Variants in ANGPT1 observed in about 807,000 individuals in gnomAD.
ANGPT1 encodes the protein angiopoietin-1.
In ANGPT1, 17 loss-of-function variants were observed where a neutral mutation model predicts 62.2. That is an observed-to-expected ratio of 0.27 (90% CI 0.19 to 0.41). ANGPT1 has a LOEUF of 0.41. ANGPT1 is among the 10% of genes least tolerant of loss of function. The pLI is 1.00. For missense variants in ANGPT1, 478 were observed against 594.9 expected, an observed-to-expected ratio of 0.80 and a Z score of 2.04; for synonymous variants, 199 against 198.9, an observed-to-expected ratio of 1.00 and a Z score of 0.00.
At chr8:107,401,962 TAGTC>T (rs1331438155) in intron 1 of ANGPT1, among the ~76,000 whole-genome samples, 2 of 152,134 alleles carry the variant, frequency 1.3e-5, no homozygotes, top group African/African-American at 4.8e-5. Context: ...GATAAAATAA[TAGTC>T]AGACAATGGG....
At position 107,497,838 on chromosome 8, in the gene ANGPT1, G is replaced by C. The variant is rs1052154835; in HGVS notation, c.-280C>G. On this transcript the variant is annotated 5_prime_UTR_variant, in exon 1 of 9. Coordinates refer to ENST00000517746, the MANE Select transcript of ANGPT1 (RefSeq NM_001146.5). ...TTTATTGTTTCCTCTCTGTGTGACC[G>C]TTCAGCATGGAGCCTGCCTGAGTCA... 2.0e-5 allele frequency: 11 copies of C among 540,638 alleles called. No homozygotes were observed. In the African/African-American group the frequency reaches 2.1e-4, roughly 10 times the overall value. 33.5% of individuals were successfully genotyped at this position (540,638 alleles called of 1,614,324 possible). A position where few individuals can be genotyped will look rare whatever the true frequency, so the allele number is the denominator to read the frequency against.
chr8:107,466,623 T>C (rs1366491618), intron 1 of ANGPT1, among the ~76,000 whole-genome samples: 1 of 152,064 alleles, frequency 6.6e-6, no homozygotes, highest in African/African-American at 2.4e-5. Context: ...TTAAAAATTA[T>C]AATTGAGGCT....
At chr8:107,355,977 C>T (rs1586251257) in intron 1 of ANGPT1, among the ~76,000 whole-genome samples, 1 of 152,264 alleles carries the variant, frequency 6.6e-6, no homozygotes, top group East Asian at 1.9e-4. Flanking sequence ...GGTCTCAATA[C>T]CATTTTGATA....
chr8:107,310,178 A>G (rs1215826747), intron 4 of ANGPT1, among the ~76,000 whole-genome samples: 1 of 152,146 alleles, frequency 6.6e-6, no homozygotes, highest in Non-Finnish European at 1.5e-5. Context: ...TTAATTGAAC[A>G]CTTACTATGT....
At chr8:107,320,097 C>T (rs143309660) in intron 4 of ANGPT1, among the ~76,000 whole-genome samples, 2 of 152,192 alleles carry the variant, frequency 1.3e-5, no homozygotes, top group East Asian at 3.9e-4. Flanking sequence ...ATAGAACAGA[C>T]ACAGTTACTT....
At chr8:107,280,555 T>C (rs1813980298) in intron 7 of ANGPT1, among the ~76,000 whole-genome samples, 1 of 152,212 alleles carries the variant, frequency 6.6e-6, no homozygotes, top group Admixed American at 6.5e-5. Flanking sequence ...ATTTAAGATG[T>C]ATCCATGTGA....
At chr8:107,409,072 T>A (rs1817207102) in intron 1 of ANGPT1, among the ~76,000 whole-genome samples, 1 of 152,212 alleles carries the variant, frequency 6.6e-6, no homozygotes, top group Non-Finnish European at 1.5e-5. Context: ...AGCTTATTTC[T>A]ATTATTATGC....
chr8:107,352,557 G>T (rs1815955944), intron 1 of ANGPT1, among the ~76,000 whole-genome samples: 1 of 152,068 alleles, frequency 6.6e-6, no homozygotes, highest in Admixed American at 6.6e-5. Flanking sequence ...ATCTGTGTGA[G>T]ATTATGACAT....
chr8:107,267,639 A>G (rs1813644822), intron 7 of ANGPT1, among the ~76,000 whole-genome samples: 2 of 152,074 alleles, frequency 1.3e-5, no homozygotes, highest in Non-Finnish European at 2.9e-5. Context: ...CAGCTCATTC[A>G]AAAACATGCA....
intron 1 of ANGPT1, among the ~76,000 whole-genome samples, chr8:107,356,939 C>CAT (rs1254055782): frequency 2.0e-5 from 3 of 152,186 alleles, no homozygotes; most frequent in Non-Finnish European, 2.9e-5. Context: ...CATTTAATAA[C>CAT]ATATATAAGA....
intron 3 of ANGPT1, among the ~76,000 whole-genome samples, chr8:107,335,570 G>C (rs1447978780): frequency 1.3e-5 from 2 of 152,126 alleles, no homozygotes; most frequent in Non-Finnish European, 2.9e-5. Context: ...ATGGTGTGAT[G>C]ACATCTATAA....
At chr8:107,331,602 T>A (rs1815422532) in intron 3 of ANGPT1, among the ~76,000 whole-genome samples, 1 of 152,222 alleles carries the variant, frequency 6.6e-6, no homozygotes, top group Non-Finnish European at 1.5e-5. Context: ...AGCAACTTAC[T>A]TGATTTCTGT....
intron 8 of ANGPT1, among the ~76,000 whole-genome samples, chr8:107,252,230 T>C (rs1240578210): frequency 6.6e-6 from 1 of 152,196 alleles, no homozygotes; most frequent in East Asian, 1.9e-4. Context: ...CAGACAGCAA[T>C]GCTCTCATGG....
intron 4 of ANGPT1, among the ~76,000 whole-genome samples, chr8:107,309,008 A>G (rs1304877468): frequency 6.6e-6 from 1 of 152,202 alleles, no homozygotes; most frequent in African/African-American, 2.4e-5. Context: ...TGAACCCTCA[A>G]GAAAAAACTT....
chr8:107,424,032 G>A (rs1810972542), intron 1 of ANGPT1, among the ~76,000 whole-genome samples: 1 of 151,070 alleles, frequency 6.6e-6, no homozygotes, highest in Non-Finnish European at 1.5e-5. Context: ...GTAGAGACAG[G>A]GTTTCACCAT....
intron 2 of ANGPT1, chr8:107,336,584 G>C: frequency 5.7e-6 from 1 of 175,796 alleles, no homozygotes; most frequent in South Asian, 1.1e-4. Flanking sequence ...AGAATGGCGT[G>C]AACCCGGGAG....
At chr8:107,419,839 T>G (rs1810850940) in intron 1 of ANGPT1, among the ~76,000 whole-genome samples, 1 of 152,172 alleles carries the variant, frequency 6.6e-6, no homozygotes, top group South Asian at 2.1e-4. Context: ...ACTAATTTCG[T>G]AGGGTTTTAA....
In ANGPT1 at chr8:107,293,404, G is replaced by A. The variant is rs570257166; in HGVS notation, c.1038+532C>T. On this transcript the variant is annotated intron_variant, in intron 6 of 8. Coordinates refer to ENST00000517746, the MANE Select transcript of ANGPT1 (RefSeq NM_001146.5). ...GGGTCTAATAAAACTAAAAAAGGCTGAAAGCTCCTGCTTTGTCTTTGGAGG... is the reference window on the plus strand; with the variant it reads ...GGGTCTAATAAAACTAAAAAAGGCTAAAAGCTCCTGCTTTGTCTTTGGAGG... 8.5e-4 allele frequency among the ~76,000 whole-genome samples: 130 copies of A among 152,294 alleles called. No homozygotes were observed. The Middle Eastern group carries it at 0.014, about 16-fold the overall frequency.
At chr8:107,284,590 T>C (rs1247339927) in intron 7 of ANGPT1, 92 bp downstream of exon 7, 2 of 1,169,172 alleles carry the variant, frequency 1.7e-6, no homozygotes, top group Non-Finnish European at 1.1e-6. Flanking sequence ...TTTTGAAGGA[T>C]GATTTTCATT....
Sources: gnomAD v4.1 joint callset for allele counts (sites outside exome capture counted in the v4.1 genomes callset) on GRCh38, gnomAD v4.1.1 for gene constraint, MANE v1.5 for transcripts, NCBI Gene and HGNC (gene_info 2026-07-23, HGNC 2026-07-21) for gene names.